Variants in EPB41L4B observed in about 807,000 individuals in gnomAD.
The protein encoded by EPB41L4B is erythrocyte membrane protein band 4.1 like 4B, also known as band 4.1-like protein 4B.
Under a neutral mutation model 112.5 loss-of-function variants are expected in EPB41L4B, and 30 were observed. The observed-to-expected ratio is 0.27, with a 90% CI of 0.20 to 0.36. The LOEUF is 0.36. EPB41L4B is among the 10% of genes least tolerant of loss of function. EPB41L4B has a pLI of 1.00. For missense variants in EPB41L4B, 1,024 were observed against 1,133.3 expected (o/e 0.90, Z 1.38); for synonymous variants, 408 against 439.7 (o/e 0.93, Z 0.90).
chr9:109,173,228 G>A lies in EPB41L4B; in HGVS notation c.*1326C>T, dbSNP rs988593388. 5 of 152,566 alleles carry A rather than the reference G, an allele frequency of 3.3e-5. No individual in the cohort carries two copies. Among genetic ancestry groups the A allele is most frequent in the African/African-American group, 1.2e-4 (5 of 41,410 alleles). 9.5% of individuals were successfully genotyped at this position (152,566 alleles called of 1,614,324 possible). A position where few individuals can be genotyped will look rare whatever the true frequency, so the allele number is the denominator to read the frequency against. ...ATCATAAATTGTCGAGGGGATTCAA[G>A]CATTCAGAGGGGGTGGGGAGGCTAA... On this transcript the variant is annotated 3_prime_UTR_variant, in exon 26 of 26. Coordinates refer to ENST00000374566, the MANE Select transcript of EPB41L4B (RefSeq NM_019114.5).
At chr9:109,177,638 A>G (rs1385075664) in intron 24 of EPB41L4B, among the ~76,000 whole-genome samples, 4 of 151,882 alleles carry the variant, frequency 2.6e-5, no homozygotes, top group Admixed American at 6.6e-5. Flanking sequence ...CCTGGCCAAC[A>G]TGGCAAAACC....
intron 15 of EPB41L4B, among the ~76,000 whole-genome samples, chr9:109,226,540 CTAGAG>C (rs1285842296): frequency 6.7e-6 from 1 of 149,814 alleles, no homozygotes; most frequent in Non-Finnish European, 1.5e-5. Flanking sequence ...TAAGAAATGC[CTAGAG>C]TAGTTTCAGT....
intron 15 of EPB41L4B, among the ~76,000 whole-genome samples, chr9:109,242,505 C>A (rs778823302): frequency 6.6e-6 from 1 of 152,198 alleles, no homozygotes; most frequent in African/African-American, 2.4e-5. Flanking sequence ...CTGTTTCTTA[C>A]GTCTGAAGAA....
At chr9:109,221,094 T>C (rs575196404) in intron 15 of EPB41L4B, among the ~76,000 whole-genome samples, 2 of 152,338 alleles carry the variant, frequency 1.3e-5, no homozygotes, top group African/African-American at 4.8e-5. Flanking sequence ...TTCCCCCAAC[T>C]ATTTATCCAG....
chr9:109,249,091 G>GTA, intron 13 of EPB41L4B, among the ~76,000 whole-genome samples: 1 of 147,170 alleles, frequency 6.8e-6, no homozygotes, highest in East Asian at 2.0e-4. Flanking sequence ...ATATATATAT[G>GTA]TATATATATG....
chr9:109,249,339 A>G (rs760334727), intron 13 of EPB41L4B, among the ~76,000 whole-genome samples: 1 of 152,036 alleles, frequency 6.6e-6, no homozygotes, highest in Non-Finnish European at 1.5e-5. Context: ...TTTTTCTAGT[A>G]GTACCTCTGG....
At chr9:109,261,679 C>A (rs1229808174) in intron 6 of EPB41L4B, among the ~76,000 whole-genome samples, 2 of 152,134 alleles carry the variant, frequency 1.3e-5, no homozygotes, top group Non-Finnish European at 2.9e-5. Context: ...CAAAAGTCCA[C>A]TCAAAACTCA....
At chr9:109,319,239 TGCA>T (rs1352430206) in intron 1 of EPB41L4B, among the ~76,000 whole-genome samples, 1 of 152,156 alleles carries the variant, frequency 6.6e-6, no homozygotes, top group Non-Finnish European at 1.5e-5. Context: ...CTGGACGCCC[TGCA>T]GCGGACCGCA....
At chr9:109,254,089 T>TA (rs1358828665) in intron 11 of EPB41L4B, among the ~76,000 whole-genome samples, 1 of 152,222 alleles carries the variant, frequency 6.6e-6, no homozygotes, top group Admixed American at 6.5e-5. Context: ...CAGTTGCTCT[T>TA]AGTCACCATT....
chr9:109,250,697 G>T (rs1347537839), intron 13 of EPB41L4B, among the ~76,000 whole-genome samples: 1 of 152,094 alleles, frequency 6.6e-6, no homozygotes, highest in Non-Finnish European at 1.5e-5. Flanking sequence ...ATGCGCCTGG[G>T]GTGTGGCTGC....
chr9:109,251,354 A>G (rs1834780943), intron 13 of EPB41L4B, 127 bp downstream of exon 13: 3 of 887,980 alleles, frequency 3.4e-6, no homozygotes. Context: ...CAGGCAGCAG[A>G]AAAAGGGGAA....
At chr9:109,272,654 G>A (rs1835667031) in intron 2 of EPB41L4B, among the ~76,000 whole-genome samples, 2 of 152,062 alleles carry the variant, frequency 1.3e-5, no homozygotes, top group African/African-American at 2.4e-5. Context: ...TTGGGAGGCT[G>A]AGTCAGAAGA....
chr9:109,192,417 A>G, intron 21 of EPB41L4B, 62 bp from the exon 22 acceptor site: 1 of 1,334,192 alleles, frequency 7.5e-7, no homozygotes, highest in Non-Finnish European at 1.0e-6. Flanking sequence ...AAAGTTCACC[A>G]GAAAAGACAG....
Position 109,247,806 on chromosome 9 carries a change from A to G in EPB41L4B, c.1311-17T>C. ...GTTTTAGAGCTAAACAAACAAACAA[A>G]CAAAAAACAGAAAAAAAAAGAAAAA... On this transcript the variant is annotated splice_polypyrimidine_tract_variant and intron_variant, in intron 13 of 25. Coordinates refer to ENST00000374566, the MANE Select transcript of EPB41L4B (RefSeq NM_019114.5). 6.7e-7 allele frequency: 1 copy of G among 1,489,988 alleles called. No homozygotes were observed. Among genetic ancestry groups the G allele is most frequent in the Non-Finnish European group, 8.9e-7 (1 of 1,117,696 alleles). The allele number at this position is 1,489,988 out of a possible 1,614,324, so 92.3% of individuals were successfully genotyped here. A position where few individuals can be genotyped will look rare whatever the true frequency, so the allele number is the denominator to read the frequency against.
chr9:109,318,602 C>G (rs1265980367), intron 1 of EPB41L4B, among the ~76,000 whole-genome samples: 1 of 152,164 alleles, frequency 6.6e-6, no homozygotes, highest in Non-Finnish European at 1.5e-5. Context: ...TCTCCTAACA[C>G]AAGCTGCCCA....
At chr9:109,277,918 G>A in intron 2 of EPB41L4B, among the ~76,000 whole-genome samples, 1 of 152,206 alleles carries the variant, frequency 6.6e-6, no homozygotes, top group East Asian at 1.9e-4. Context: ...GTGGTGACAG[G>A]ACACACGAGA....
intron 1 of EPB41L4B, among the ~76,000 whole-genome samples, chr9:109,310,047 A>G (rs1292484963): frequency 2.6e-5 from 4 of 152,226 alleles, no homozygotes; most frequent in Admixed American, 1.3e-4. Context: ...CATGTACACC[A>G]GAGACCAATT....
intron 22 of EPB41L4B, among the ~76,000 whole-genome samples, chr9:109,190,029 G>A (rs1043810315): frequency 1.2e-4 from 18 of 152,152 alleles, no homozygotes; most frequent in Admixed American, 6.5e-5. Context: ...TCCGCCTCCT[G>A]GGTTCAAATG....
In EPB41L4B at chr9:109,320,588, G is replaced by T; in HGVS notation, c.-142C>A. ...CCGCCTCTCGCGGGCTACGGCCCGGGGCAAGCCCGCGCCGAGGCCGAGGCC... is the reference window on the plus strand; with the variant it reads ...CCGCCTCTCGCGGGCTACGGCCCGGTGCAAGCCCGCGCCGAGGCCGAGGCC... On this transcript the variant is annotated 5_prime_UTR_variant, in exon 1 of 26. Transcript: ENST00000374566. 1 of 297,432 alleles carries T rather than the reference G, an allele frequency of 3.4e-6. No individual in the cohort carries two copies. Among genetic ancestry groups the T allele is most frequent in the Non-Finnish European group, 4.9e-6 (1 of 205,568 alleles). The allele number at this position is 297,432 out of a possible 1,614,324, so 18.4% of individuals were successfully genotyped here. A position where few individuals can be genotyped will look rare whatever the true frequency, so the allele number is the denominator to read the frequency against.
Sources: gnomAD v4.1 joint callset for allele counts (sites outside exome capture counted in the v4.1 genomes callset) on GRCh38, gnomAD v4.1.1 for gene constraint, MANE v1.5 for transcripts, NCBI Gene and HGNC (gene_info 2026-07-23, HGNC 2026-07-21) for gene names.